TENM2: variants seen among roughly 807,000 people sequenced by gnomAD.
The protein encoded by TENM2 is teneurin-2.
TENM2 carries 52 observed loss-of-function variants against 245.2 expected under a neutral mutation model. That is an observed-to-expected ratio of 0.21 (90% CI 0.17 to 0.27). The LOEUF (loss-of-function observed/expected upper bound fraction) is 0.27. TENM2 is among the 10% of genes least tolerant of loss of function. TENM2 has a pLI of 1.00. For missense variants in TENM2, 3,046 were observed against 3,666.8 expected, an observed-to-expected ratio of 0.83 and a Z score of 4.37; for synonymous variants, 1,363 against 1,438.9, an observed-to-expected ratio of 0.95 and a Z score of 1.19.
chr5:167,640,331 G>A (rs1280339581), intron 2 of TENM2, among the ~76,000 whole-genome samples: 1 of 152,090 alleles, frequency 6.6e-6, no homozygotes, highest in Non-Finnish European at 1.5e-5. Flanking sequence ...AGATTTGCTT[G>A]GTATGGCCGG....
At chr5:168,083,768 C>A (rs543270480) in intron 7 of TENM2, among the ~76,000 whole-genome samples, 1 of 151,854 alleles carries the variant, frequency 6.6e-6, no homozygotes, top group South Asian at 2.1e-4. Context: ...TTTTTAGACT[C>A]AGAGGTACAT....
chr5:167,176,843 T>C, the TENM2 span, among the ~76,000 whole-genome samples: 2 of 152,312 alleles, frequency 1.3e-5, no homozygotes, highest in Admixed American at 6.5e-5. Flanking sequence ...AATAAAGCAG[T>C]CTCTGTGTGA....
intron 2 of TENM2, among the ~76,000 whole-genome samples, chr5:167,745,400 G>A (rs555137457): frequency 6.6e-6 from 1 of 152,336 alleles, no homozygotes; most frequent in South Asian, 2.1e-4. Context: ...GCTGGCTATG[G>A]TGTGGAGCTC....
the TENM2 span, among the ~76,000 whole-genome samples, chr5:167,265,669 C>T: frequency 2.0e-3 from 300 of 152,214 alleles, no homozygotes; most frequent in African/African-American, 6.8e-3. Flanking sequence ...CTCCACCCTT[C>T]GTCTCTGTAT....
chr5:167,715,876 G>A (rs577436220), intron 2 of TENM2, among the ~76,000 whole-genome samples: 23 of 152,292 alleles, frequency 1.5e-4, no homozygotes, highest in African/African-American at 2.4e-4. Flanking sequence ...AGAAGTTTCC[G>A]TTATTAGGGA....
At chr5:167,482,130 ACTG>A (rs1204384017) in intron 2 of TENM2, among the ~76,000 whole-genome samples, 1 of 152,178 alleles carries the variant, frequency 6.6e-6, no homozygotes, top group African/African-American at 2.4e-5. Flanking sequence ...AAATTTAAAA[ACTG>A]CTGCAGGATA....
chr5:167,281,806 C>T (rs899572941), upstream of TENM2, among the ~76,000 whole-genome samples: 1 of 152,058 alleles, frequency 6.6e-6, no homozygotes, highest in Non-Finnish European at 1.5e-5. Flanking sequence ...CAAGACCAGC[C>T]TGGCCAACAT....
intron 2 of TENM2, among the ~76,000 whole-genome samples, chr5:167,843,888 A>G (rs1177429550): frequency 6.6e-6 from 1 of 152,212 alleles, no homozygotes; most frequent in Non-Finnish European, 1.5e-5. Context: ...TTGTGTTATC[A>G]AGCTCTGATG....
intron 4 of TENM2, among the ~76,000 whole-genome samples, chr5:167,963,808 A>T (rs187464618): frequency 4.3e-4 from 65 of 152,134 alleles, no homozygotes; most frequent in South Asian, 3.5e-3. Context: ...TATGATGAGT[A>T]CATTGGAGGG....
the TENM2 span, among the ~76,000 whole-genome samples, chr5:167,055,927 T>C: frequency 6.6e-6 from 1 of 151,996 alleles, no homozygotes; most frequent in African/African-American, 2.4e-5. Context: ...TTGCATTAGC[T>C]AGGTTTTCCA....
intron 1 of TENM2, among the ~76,000 whole-genome samples, chr5:167,344,669 T>C (rs944219711): frequency 2.0e-5 from 3 of 152,166 alleles, no homozygotes; most frequent in African/African-American, 7.2e-5. Flanking sequence ...GAACTTTGGA[T>C]CTAATAACTC....
chr5:167,536,775 G>T (rs1242846622), intron 2 of TENM2, among the ~76,000 whole-genome samples: 2 of 152,162 alleles, frequency 1.3e-5, no homozygotes, highest in African/African-American at 4.8e-5. Flanking sequence ...CCAGCACTTT[G>T]GGAGACCGAG....
the TENM2 span, among the ~76,000 whole-genome samples, chr5:167,052,724 G>A: frequency 2.0e-5 from 3 of 151,278 alleles, no homozygotes; most frequent in Admixed American, 6.6e-5. Flanking sequence ...TAATATAGAC[G>A]ATATATGTAA....
At chr5:167,011,648 TTTGGGAGTACCCC>T in the TENM2 span, among the ~76,000 whole-genome samples, 1 of 152,232 alleles carries the variant, frequency 6.6e-6, no homozygotes. Context: ...GCAGCTAATG[TTTGGGAGTACCCC>T]TTGTCCCTGT....
chr5:167,021,144 T>G, the TENM2 span, among the ~76,000 whole-genome samples: 1 of 55,778 alleles, frequency 1.8e-5, no homozygotes, highest in Admixed American at 3.0e-4. Flanking sequence ...AAAATAAAAA[T>G]AAAATAAAAT....
In TENM2 at chr5:168,198,894, A is replaced by T. The variant is rs752488147; in HGVS notation, c.2942A>T (p.His981Leu). The change falls in exon 16 of 29, where the codon CAC becomes CTC. Residue 981 changes from histidine to leucine, a missense_variant. His to Leu is a moderately conservative substitution (Grantham distance 99). Around this residue, in one of 2 missense-constraint regions of TENM2, gnomAD observed 2,704 missense variants for 3,331.9 expected, o/e 0.81. Transcript: ENST00000518659. ...AATGGAGGTGCTTCCTTGACTCTAC[A>T]CTTTGAGCGAGCCCCGTTCATGAGC... The T allele has an allele frequency of 1.1e-5, 18 of 1,613,836 alleles. No individual in the cohort carries two copies. The highest frequency in any genetic ancestry group is 3.3e-4 in the Middle Eastern group (2 of 6,084).
At chr5:168,053,614 A>G (rs1240829166) in intron 6 of TENM2, among the ~76,000 whole-genome samples, 1 of 152,242 alleles carries the variant, frequency 6.6e-6, no homozygotes, top group Non-Finnish European at 1.5e-5. Flanking sequence ...TTTACATAGC[A>G]TCTACATTGT....
intron 2 of TENM2, among the ~76,000 whole-genome samples, chr5:167,720,921 C>T (rs762656846): frequency 5.3e-5 from 8 of 152,094 alleles, no homozygotes; most frequent in East Asian, 1.9e-4. Context: ...ATGCAGAAGA[C>T]GAAGTTGGGT....
the TENM2 span, among the ~76,000 whole-genome samples, chr5:167,173,883 T>A: frequency 3.9e-5 from 6 of 152,164 alleles, no homozygotes; most frequent in Non-Finnish European, 7.4e-5. Flanking sequence ...TTTGAAAGGC[T>A]ATGATGAATG....
Sources: allele counts gnomAD v4.1 joint callset (sites outside exome capture counted in the v4.1 genomes callset), GRCh38; gene constraint gnomAD v4.1.1; regional missense constraint gnomAD v4.1.1; transcripts MANE v1.5; gene names NCBI Gene and HGNC (gene_info 2026-07-23, HGNC 2026-07-21).